TNKS: variants seen among roughly 807,000 people sequenced by gnomAD.
The protein encoded by TNKS is tankyrase.
A neutral mutation model predicts 135.8 loss-of-function variants in TNKS; 72 were observed. The ratio of observed to expected loss-of-function variants is 0.53; its 90% CI spans 0.44 to 0.64. The LOEUF is 0.64. Ranked by LOEUF, TNKS falls within the 30% of genes least tolerant of loss-of-function variation. The pLI is 0.00. For missense variants in TNKS, 1,769 were observed against 1,674.0 expected (o/e 1.06, Z -0.99); for synonymous variants, 849 against 649.3 (o/e 1.31, Z -4.68).
intron 18 of TNKS, among the ~76,000 whole-genome samples, chr8:9,749,675 C>G (rs1051324362): frequency 6.6e-6 from 1 of 151,930 alleles, no homozygotes; most frequent in African/African-American, 2.4e-5. Context: ...GAGACAGGGT[C>G]TTGCTATGTT....
chr8:9,611,883 T>TTA (rs1489260069), intron 2 of TNKS, among the ~76,000 whole-genome samples: 1 of 152,258 alleles, frequency 6.6e-6, no homozygotes, highest in Non-Finnish European at 1.5e-5. Flanking sequence ...TTTGTTCTTT[T>TTA]TAAAGAGTTA....
chr8:9,665,757 C>G (rs894324957), intron 3 of TNKS, among the ~76,000 whole-genome samples: 16 of 152,268 alleles, frequency 1.1e-4, no homozygotes, highest in African/African-American at 3.6e-4. Context: ...TTCTTCAACT[C>G]TCATGAATTC....
chr8:9,636,636 T>C (rs1445988623), intron 3 of TNKS, among the ~76,000 whole-genome samples: 1 of 152,208 alleles, frequency 6.6e-6, no homozygotes, highest in Non-Finnish European at 1.5e-5. Flanking sequence ...AGAAAACTCT[T>C]GGGCATTACA....
At chr8:9,717,067 A>T (rs528353300) in intron 11 of TNKS, among the ~76,000 whole-genome samples, 1 of 90,570 alleles carries the variant, frequency 1.1e-5, no homozygotes, top group African/African-American at 3.8e-5. Context: ...AATCTGTTGT[A>T]TTATAATATA....
intron 3 of TNKS, chr8:9,670,129 T>C (rs970976056): frequency 1.6e-4 from 25 of 152,306 alleles, no homozygotes; most frequent in Admixed American, 9.1e-4. Flanking sequence ...TTTCCACATT[T>C]CGTTCAGTTG....
intron 3 of TNKS, among the ~76,000 whole-genome samples, chr8:9,652,204 T>G (rs1265502007): frequency 2.6e-5 from 4 of 152,184 alleles, no homozygotes; most frequent in African/African-American, 9.6e-5. Flanking sequence ...AGGAACTTAT[T>G]ACCAATATTC....
intron 25 of TNKS, 91 bp from the exon 26 acceptor site, chr8:9,770,015 T>A: frequency 8.3e-7 from 1 of 1,204,352 alleles, no homozygotes; most frequent in Non-Finnish European, 1.1e-6. Flanking sequence ...TTGCCTTATG[T>A]TAAATTTTTA....
intron 1 of TNKS, among the ~76,000 whole-genome samples, chr8:9,572,892 A>G (rs964675876): frequency 6.6e-6 from 1 of 152,144 alleles, no homozygotes; most frequent in South Asian, 2.1e-4. Context: ...ACTCATAGGT[A>G]TTGCATAAAT....
intron 3 of TNKS, among the ~76,000 whole-genome samples, chr8:9,622,478 G>C (rs569053681): frequency 3.7e-4 from 57 of 152,286 alleles, no homozygotes; most frequent in African/African-American, 1.3e-3. Flanking sequence ...TACAGATGGA[G>C]AGGTTAAGTT....
At chr8:9,589,167 A>G (rs1374055636) in intron 2 of TNKS, among the ~76,000 whole-genome samples, 1 of 152,202 alleles carries the variant, frequency 6.6e-6, no homozygotes, top group Non-Finnish European at 1.5e-5. Flanking sequence ...ACCTGTATTA[A>G]TGAAACAATA....
intron 11 of TNKS, among the ~76,000 whole-genome samples, chr8:9,713,952 C>T (rs1002953945): frequency 1.3e-5 from 2 of 152,158 alleles, no homozygotes; most frequent in African/African-American, 4.8e-5. Flanking sequence ...ACAAGCAGCA[C>T]CAGTTTTTAA....
At position 9,648,707 on chromosome 8, in the gene TNKS, G is replaced by C. The variant is rs564882744; in HGVS notation, c.995-31244G>C. Among the ~76,000 whole-genome samples, 74 of 152,220 alleles carry C rather than the reference G, an allele frequency of 4.9e-4. No homozygotes were observed. In the South Asian group the frequency reaches 0.014, roughly 29 times the overall value. Reference sequence around the variant, plus strand: ...TAGGTGATAGAAATTTTTCAGCTTTGTGTTATTAATGTTATGGGACTACTG... The same window carrying C: ...TAGGTGATAGAAATTTTTCAGCTTTCTGTTATTAATGTTATGGGACTACTG... On this transcript the variant is annotated intron_variant, in intron 3 of 26. Transcript: ENST00000310430.
chr8:9,577,081 A>C (rs59032403), intron 1 of TNKS, among the ~76,000 whole-genome samples: 2,579 of 152,166 alleles, frequency 0.017, 51 homozygotes, highest in African/African-American at 0.049. Flanking sequence ...TAAAAAAGCA[A>C]ATATCTGAAC....
chr8:9,766,535 G>T (rs927603541), intron 25 of TNKS, 110 bp downstream of exon 25: 2 of 1,007,496 alleles, frequency 2.0e-6, no homozygotes, highest in East Asian at 2.9e-5. Flanking sequence ...CACCCAGGCT[G>T]GAGTGCGGTG....
At chr8:9,660,777 G>C (rs935281716) in intron 3 of TNKS, among the ~76,000 whole-genome samples, 10 of 152,156 alleles carry the variant, frequency 6.6e-5, no homozygotes, top group African/African-American at 2.2e-4. Context: ...CATTCAGTTA[G>C]GAAAAGAGGA....
At position 9,779,435 on chromosome 8, in the gene TNKS, T is replaced by A. The variant is rs986970891; in HGVS notation, c.*2699T>A. 1.7e-4 allele frequency: 26 copies of A among 151,394 alleles called. No individual in the cohort carries two copies. The highest frequency in any genetic ancestry group is 6.3e-4 in the African/African-American group (26 of 41,004). 9.4% of individuals were successfully genotyped at this position (151,394 alleles called of 1,614,324 possible). The stretch of plus-strand genomic sequence containing the variant: ...TTCCCTAACCACATGGAAGAAAGAA[T>A]CTGAACGTCTCCACCGGCTCTACCC... On this transcript the variant is annotated 3_prime_UTR_variant, in exon 27 of 27. Transcript: ENST00000310430.
rs1197433296 is a variant in TNKS, at chr8:9,556,794, G to A, written c.673+182G>A. ...TGCCTGGGTGATGGGGGCGTGGTTG[G>A]GGGGGATAAGTGAATCCAAGGAATT... is the stretch of plus-strand genomic sequence containing the variant. On this transcript the variant is annotated intron_variant, in intron 1 of 26. Coordinates refer to ENST00000310430, the MANE Select transcript of TNKS (RefSeq NM_003747.3). The A allele has an allele frequency of 1.3e-5, 6 of 470,972 alleles. 1 individual carries two copies. Among genetic ancestry groups the A allele is most frequent in the South Asian group, 1.1e-4 (5 of 47,306 alleles). The allele number at this position is 470,972 out of a possible 1,614,324, so 29.2% of individuals were successfully genotyped here.
chr8:9,709,118 A>G (rs1279830363), intron 9 of TNKS, among the ~76,000 whole-genome samples: 2 of 152,198 alleles, frequency 1.3e-5, no homozygotes, highest in Non-Finnish European at 2.9e-5. Context: ...TGATGCCTGC[A>G]TCACAGACCT....
At position 9,776,970 on chromosome 8, in the gene TNKS, G is replaced by A; in HGVS notation, c.*234G>A. 1 of 469,432 alleles carries A rather than the reference G, an allele frequency of 2.1e-6. No individual in the cohort carries two copies. Among genetic ancestry groups the A allele is most frequent in the Admixed American group, 3.8e-5 (1 of 26,348 alleles). 29.1% of individuals were successfully genotyped at this position (469,432 alleles called of 1,614,324 possible). A position where few individuals can be genotyped will look rare whatever the true frequency, so the allele number is the denominator to read the frequency against. ...AGGGGCGGCCTTTTAACATATCTCA[G>A]GCTCATTTTCATTGCAATTATCCAT... On this transcript the variant is annotated 3_prime_UTR_variant, in exon 27 of 27. Transcript: ENST00000310430.
Sources: allele counts gnomAD v4.1 joint callset (sites outside exome capture counted in the v4.1 genomes callset), GRCh38; gene constraint gnomAD v4.1.1; transcripts MANE v1.5; gene names NCBI Gene and HGNC (gene_info 2026-07-23, HGNC 2026-07-21).